Variants in PDE4B observed in about 807,000 individuals in gnomAD.
PDE4B encodes 3',5'-cyclic-AMP phosphodiesterase 4B.
A neutral mutation model predicts 82.2 loss-of-function variants in PDE4B; 20 were observed. That is an observed-to-expected ratio of 0.24 (90% confidence interval 0.17 to 0.35). PDE4B has a LOEUF of 0.35. Ranked by LOEUF, PDE4B falls within the 10% of genes least tolerant of loss-of-function variation. PDE4B has a pLI of 1.00. For missense variants in PDE4B, 655 were observed against 907.2 expected, an observed-to-expected ratio of 0.72 and a Z score of 3.57; for synonymous variants, 320 against 318.9, an observed-to-expected ratio of 1.00 and a Z score of -0.04.
chr1:65,836,238 G>A (rs984600916), intron 1 of PDE4B, among the ~76,000 whole-genome samples: 1 of 152,126 alleles, frequency 6.6e-6, no homozygotes, highest in Non-Finnish European at 1.5e-5. Context: ...CACTGCACCC[G>A]GACTTAGTAG....
chr1:65,961,348 C>A (rs933240907), intron 3 of PDE4B, among the ~76,000 whole-genome samples: 15 of 151,984 alleles, frequency 9.9e-5, no homozygotes, highest in Non-Finnish European at 2.2e-4. Context: ...AGGATGTGTG[C>A]CTGGTATGTT....
chr1:65,856,522 A>G (rs923093326), intron 1 of PDE4B, among the ~76,000 whole-genome samples: 3 of 152,170 alleles, frequency 2.0e-5, no homozygotes, highest in Admixed American at 1.3e-4. Context: ...CATTCATTGT[A>G]TGACTGCATA....
intron 4 of PDE4B, among the ~76,000 whole-genome samples, chr1:66,251,145 A>C (rs1291430282): frequency 6.6e-6 from 1 of 152,200 alleles, no homozygotes; most frequent in Non-Finnish European, 1.5e-5. Flanking sequence ...ATTGTCTCTA[A>C]ATTATCTGTA....
chr1:66,363,647 T>A (rs545273581), intron 12 of PDE4B, 76 bp downstream of exon 12: 517 of 1,242,018 alleles, frequency 4.2e-4, no homozygotes, highest in Non-Finnish European at 5.5e-4. Context: ...TGTAGTAGCA[T>A]GTGCCTGTAG....
chr1:65,859,042 T>C (rs1320873368), intron 1 of PDE4B, among the ~76,000 whole-genome samples: 3 of 152,164 alleles, frequency 2.0e-5, no homozygotes, highest in African/African-American at 7.2e-5. Context: ...TGGCATCCAA[T>C]TATTCACCTT....
At chr1:66,292,710 C>T (rs932398737) in intron 7 of PDE4B, among the ~76,000 whole-genome samples, 21 of 152,120 alleles carry the variant, frequency 1.4e-4, no homozygotes, top group African/African-American at 4.8e-4. Flanking sequence ...GCCTACATAT[C>T]GTACACTGTT....
chr1:66,202,903 G>T (rs1359018436), intron 3 of PDE4B, among the ~76,000 whole-genome samples: 1 of 151,260 alleles, frequency 6.6e-6, no homozygotes, highest in African/African-American at 2.4e-5. Flanking sequence ...ATGTTAGCTG[G>T]TTATTTTGCT....
intron 3 of PDE4B, among the ~76,000 whole-genome samples, chr1:66,166,467 G>T (rs1010468773): frequency 6.6e-6 from 1 of 152,142 alleles, no homozygotes; most frequent in African/African-American, 2.4e-5. Context: ...TGGGCGGGTT[G>T]GCTCACACCT....
At chr1:65,823,325 G>A (rs568971022) in intron 1 of PDE4B, among the ~76,000 whole-genome samples, 20 of 150,168 alleles carry the variant, frequency 1.3e-4, no homozygotes, top group Middle Eastern at 3.5e-3. Context: ...GAACCCAGGA[G>A]GCAGAAGTTG....
At chr1:66,297,971 A>G (rs1657628071) in intron 7 of PDE4B, among the ~76,000 whole-genome samples, 1 of 152,292 alleles carries the variant, frequency 6.6e-6, no homozygotes, top group South Asian at 2.1e-4. Context: ...TTATCCTATT[A>G]TATGTAAAAG....
At chr1:66,233,025 G>A (rs1438457387) in intron 3 of PDE4B, among the ~76,000 whole-genome samples, 1 of 152,084 alleles carries the variant, frequency 6.6e-6, no homozygotes, top group African/African-American at 2.4e-5. Context: ...ACTTCTTAAA[G>A]TGTACAATTC....
intron 3 of PDE4B, among the ~76,000 whole-genome samples, chr1:66,210,760 G>T: frequency 6.6e-6 from 1 of 151,898 alleles, no homozygotes; most frequent in East Asian, 1.9e-4. Context: ...CAGCTGCCAG[G>T]TCCACAGCCA....
chr1:66,049,181 A>G (rs1654884097), intron 3 of PDE4B, among the ~76,000 whole-genome samples: 1 of 152,054 alleles, frequency 6.6e-6, no homozygotes, highest in African/African-American at 2.4e-5. Flanking sequence ...TAATCATGAC[A>G]AAGTCACTAC....
rs752683939 is a variant in PDE4B, at chr1:66,368,779, G to C, written c.1663-8G>C. The C allele has an allele frequency of 2.0e-6, 3 of 1,495,776 alleles. No homozygotes were observed. Among genetic ancestry groups the C allele is most frequent in the Non-Finnish European group, 2.7e-6 (3 of 1,115,234 alleles). The allele number at this position is 1,495,776 out of a possible 1,614,324, so 92.7% of individuals were successfully genotyped here. A position where few individuals can be genotyped will look rare whatever the true frequency, so the allele number is the denominator to read the frequency against. On this transcript the variant is annotated splice_polypyrimidine_tract_variant and splice_region_variant and intron_variant, in intron 15 of 16. Coordinates refer to ENST00000341517, the MANE Select transcript of PDE4B (RefSeq NM_002600.4). ...TTTTATGAGATTTCCAAAACTTGATGATTTCAGGTCCTTCGCAACATGGTA... is the reference window on the plus strand; with the variant it reads ...TTTTATGAGATTTCCAAAACTTGATCATTTCAGGTCCTTCGCAACATGGTA...
intron 3 of PDE4B, among the ~76,000 whole-genome samples, chr1:66,096,508 T>TCATATATA (rs59931848): frequency 0.071 from 7,581 of 106,988 alleles, 919 homozygotes; most frequent in East Asian, 0.13. Context: ...GTAAAAAAAA[T>TCATATATA]TATATATATA....
At chr1:65,893,437 C>T (rs1400951699) in intron 1 of PDE4B, among the ~76,000 whole-genome samples, 1 of 152,026 alleles carries the variant, frequency 6.6e-6, no homozygotes, top group African/African-American at 2.4e-5. Flanking sequence ...TACGTTACTC[C>T]TGCAAGAAGT....
chr1:65,806,847 T>G (rs1302036782), intron 1 of PDE4B, among the ~76,000 whole-genome samples: 1 of 152,246 alleles, frequency 6.6e-6, no homozygotes, highest in Non-Finnish European at 1.5e-5. Context: ...TGTAAAATAC[T>G]GTCAATTGTA....
intron 3 of PDE4B, among the ~76,000 whole-genome samples, chr1:65,925,674 A>G (rs556452427): frequency 1.9e-4 from 29 of 152,150 alleles, no homozygotes; most frequent in African/African-American, 7.0e-4. Context: ...GGTGTGCTTA[A>G]TTTTTTAAAA....
At chr1:66,058,235 T>C (rs1482148310) in intron 3 of PDE4B, among the ~76,000 whole-genome samples, 3 of 152,182 alleles carry the variant, frequency 2.0e-5, no homozygotes, top group Non-Finnish European at 4.4e-5. Context: ...AAGAGGTGGG[T>C]TCCCATGGTA....
Sources: gnomAD v4.1 joint callset for allele counts (sites outside exome capture counted in the v4.1 genomes callset) on GRCh38, gnomAD v4.1.1 for gene constraint, MANE v1.5 for transcripts, NCBI Gene and HGNC (gene_info 2026-07-23, HGNC 2026-07-21) for gene names.